Variants in ATP2B2 observed in about 807,000 individuals in gnomAD.
ATP2B2 encodes the protein plasma membrane calcium-transporting ATPase 2.
A neutral mutation model predicts 120.0 loss-of-function variants in ATP2B2; 15 were observed. The ratio of observed to expected loss-of-function variants is 0.12; its 90% CI spans 0.08 to 0.19. The LOEUF is 0.19. Ranked by LOEUF, ATP2B2 falls within the 10% of genes least tolerant of loss-of-function variation. ATP2B2 has a pLI of 1.00. For missense variants in ATP2B2, 1,045 were observed against 1,719.8 expected, an observed-to-expected ratio of 0.61 and a Z score of 6.94; for synonymous variants, 694 against 700.3, an observed-to-expected ratio of 0.99 and a Z score of 0.14.
intron 2 of ATP2B2, among the ~76,000 whole-genome samples, chr3:10,583,621 A>C (rs1452757267): frequency 6.6e-6 from 1 of 152,196 alleles, no homozygotes; most frequent in Admixed American, 6.5e-5. Context: ...AATATACTTC[A>C]TGAACGTAGG....
At chr3:10,344,317 A>C (rs2060367488) in intron 18 of ATP2B2, among the ~76,000 whole-genome samples, 1 of 152,062 alleles carries the variant, frequency 6.6e-6, no homozygotes, top group Admixed American at 6.5e-5. Flanking sequence ...GTGTTCCTCA[A>C]GCTGCCACTA....
intron 1 of ATP2B2, among the ~76,000 whole-genome samples, chr3:10,484,428 C>T (rs1488881192): frequency 6.6e-6 from 1 of 152,038 alleles, no homozygotes; most frequent in Non-Finnish European, 1.5e-5. Context: ...CTGGGGATGC[C>T]CTCAGTGTCT....
chr3:10,590,741 G>A (rs2068624617), intron 2 of ATP2B2, among the ~76,000 whole-genome samples: 2 of 152,226 alleles, frequency 1.3e-5, no homozygotes, highest in Non-Finnish European at 2.9e-5. Context: ...GAAGAGGAAG[G>A]AGGCCAGTTG....
At chr3:10,451,167 G>A (rs1309348323) in intron 1 of ATP2B2, among the ~76,000 whole-genome samples, 1 of 152,254 alleles carries the variant, frequency 6.6e-6, no homozygotes, top group East Asian at 1.9e-4. Context: ...GCCGCACGGA[G>A]TGAGAGTGCT....
At chr3:10,693,149 C>T (rs1295944715) in intron 1 of ATP2B2, among the ~76,000 whole-genome samples, 2 of 152,222 alleles carry the variant, frequency 1.3e-5, no homozygotes, top group Admixed American at 1.3e-4. Context: ...AACCAACAAC[C>T]TGTGGATCTA....
intron 14 of ATP2B2, among the ~76,000 whole-genome samples, chr3:10,356,877 C>T (rs1272350627): frequency 6.6e-6 from 1 of 152,056 alleles, no homozygotes; most frequent in East Asian, 1.9e-4. Context: ...CTGCCAAGCT[C>T]CAGGGGCATT....
intron 1 of ATP2B2, among the ~76,000 whole-genome samples, chr3:10,637,166 T>G (rs2070043653): frequency 6.6e-6 from 1 of 152,220 alleles, no homozygotes. Context: ...AGGATCAAAC[T>G]GTCTCCAAGT....
intron 2 of ATP2B2, among the ~76,000 whole-genome samples, chr3:10,591,328 C>A (rs1213272279): frequency 1.3e-5 from 2 of 152,184 alleles, no homozygotes; most frequent in African/African-American, 4.8e-5. Flanking sequence ...TCAATCTGTC[C>A]TCCATACAGC....
At chr3:10,376,591 G>C (rs1366462530) in intron 10 of ATP2B2, among the ~76,000 whole-genome samples, 1 of 152,172 alleles carries the variant, frequency 6.6e-6, no homozygotes, top group African/African-American at 2.4e-5. Context: ...ATCTGCTACA[G>C]GTGCTACTGC....
At chr3:10,620,386 G>A (rs2069512174) in intron 1 of ATP2B2, among the ~76,000 whole-genome samples, 1 of 152,180 alleles carries the variant, frequency 6.6e-6, no homozygotes, top group Admixed American at 6.5e-5. Flanking sequence ...AAAGTCTGGG[G>A]TTGGGGCCCT....
At chr3:10,582,063 T>C (rs927045240) in intron 2 of ATP2B2, among the ~76,000 whole-genome samples, 2 of 152,238 alleles carry the variant, frequency 1.3e-5, no homozygotes, top group Non-Finnish European at 2.9e-5. Flanking sequence ...CGCATTTCAA[T>C]GAACACAAAT....
chr3:10,386,874 G>C (rs2061697447), intron 6 of ATP2B2, among the ~76,000 whole-genome samples: 1 of 152,218 alleles, frequency 6.6e-6, no homozygotes, highest in Non-Finnish European at 1.5e-5. Flanking sequence ...GAAGGACCCT[G>C]AACTGTGCTT....
At chr3:10,374,053 T>C (rs1412644255) in intron 11 of ATP2B2, among the ~76,000 whole-genome samples, 1 of 152,204 alleles carries the variant, frequency 6.6e-6, no homozygotes, top group Non-Finnish European at 1.5e-5. Flanking sequence ...CAAGTGACTG[T>C]AAAAGTACCT....
chr3:10,342,038 C>T lies in ATP2B2; in HGVS notation c.2917+714G>A, dbSNP rs908531677. ...TGTGGGACTGCGGGCCAGACCCTTCCCCTCTCTGGGCCTCTGTTTCCCCAT... is the reference window on the plus strand; with the variant it reads ...TGTGGGACTGCGGGCCAGACCCTTCTCCTCTCTGGGCCTCTGTTTCCCCAT... On this transcript the variant is annotated intron_variant, in intron 19 of 22. Transcript: ENST00000360273. This position sits in a 1 kb window ranked among gnomAD's most constrained non-coding sequence, Gnocchi z 4.4. Among the ~76,000 whole-genome samples, 16 of 152,314 alleles carry T rather than the reference C, an allele frequency of 1.1e-4. No individual in the cohort carries two copies. The highest frequency in any genetic ancestry group is 3.4e-4 in the African/African-American group (14 of 41,566).
At chr3:10,504,008 G>A (rs748393104) in intron 1 of ATP2B2, among the ~76,000 whole-genome samples, 5 of 152,192 alleles carry the variant, frequency 3.3e-5, no homozygotes, top group Non-Finnish European at 5.9e-5. Context: ...TTCCATATGT[G>A]TATATATGAT....
At chr3:10,639,038 T>C (rs1008006861) in intron 1 of ATP2B2, among the ~76,000 whole-genome samples, 2 of 152,222 alleles carry the variant, frequency 1.3e-5, no homozygotes, top group African/African-American at 4.8e-5. Flanking sequence ...CAATAATTGA[T>C]AGAACAAGGG....
chr3:10,670,432 T>C (rs2071065655), intron 1 of ATP2B2, among the ~76,000 whole-genome samples: 1 of 152,186 alleles, frequency 6.6e-6, no homozygotes, highest in Non-Finnish European at 1.5e-5. Flanking sequence ...GTTGTTGTTG[T>C]TTTAGACAGA....
At chr3:10,344,844 T>G (rs1251434581) in intron 18 of ATP2B2, among the ~76,000 whole-genome samples, 1 of 152,178 alleles carries the variant, frequency 6.6e-6, no homozygotes, top group East Asian at 1.9e-4. Context: ...CCAGACCCAG[T>G]CGTGGTATCT....
chr3:10,626,550 T>C (rs539355684), intron 1 of ATP2B2: 23 of 150,454 alleles, frequency 1.5e-4, no homozygotes, highest in African/African-American at 5.7e-4. Context: ...GAGATACAGA[T>C]GGAGAGAGAA....
Sources: gnomAD v4.1 joint callset for allele counts (sites outside exome capture counted in the v4.1 genomes callset) on GRCh38, gnomAD v4.1.1 for gene constraint, Gnocchi (gnomAD v3.1) non-coding constraint, MANE v1.5 for transcripts, NCBI Gene and HGNC (gene_info 2026-07-23, HGNC 2026-07-21) for gene names.